Variants in MAST2 observed in about 807,000 individuals in gnomAD.
MAST2 encodes microtubule-associated serine/threonine-protein kinase 2.
MAST2 carries 70 observed loss-of-function variants against 147.4 expected under a neutral mutation model. That is an observed-to-expected ratio of 0.47 (90% CI 0.39 to 0.58). The LOEUF (loss-of-function observed/expected upper bound fraction) is 0.58, where lower values mean the gene tolerates loss of function less well. Ranked by LOEUF, MAST2 falls within the 20% of genes least tolerant of loss-of-function variation. The pLI is 0.00. For missense variants in MAST2, 2,080 were observed against 2,302.3 expected (o/e 0.90, Z 1.98); for synonymous variants, 869 against 896.8 (o/e 0.97, Z 0.55).
intron 5 of MAST2, among the ~76,000 whole-genome samples, chr1:45,960,885 C>G (rs998652583): frequency 3.3e-5 from 5 of 152,194 alleles, no homozygotes; most frequent in African/African-American, 1.2e-4. Flanking sequence ...GGGTCAGCAT[C>G]AAGCTGAGTA....
intron 3 of MAST2, among the ~76,000 whole-genome samples, chr1:45,875,306 C>A (rs938915103): frequency 1.3e-5 from 2 of 152,058 alleles, no homozygotes; most frequent in African/African-American, 2.4e-5. Flanking sequence ...ATTAGCCGGA[C>A]GTGGTGGCGC....
At position 45,803,977 on chromosome 1, in the gene MAST2, C is replaced by T. The variant is rs1354603541; in HGVS notation, c.82C>T (p.Leu28=). The T allele has an allele frequency of 1.5e-5, 16 of 1,077,906 alleles. No individual in the cohort carries two copies. Among genetic ancestry groups the T allele is most frequent in the Non-Finnish European group, 1.8e-5 (15 of 813,594 alleles). The allele number at this position is 1,077,906 out of a possible 1,614,324, so 66.8% of individuals were successfully genotyped here. ...REDGVQRAAE[L]SQSLPPRRRA... Reference sequence around the variant, plus strand: ...GGATGGAGTTCAGCGGGCAGCGGAGCTGTCTCAGTCTTTGCCGCCGCGCCG... The same window carrying T: ...GGATGGAGTTCAGCGGGCAGCGGAGTTGTCTCAGTCTTTGCCGCCGCGCCG... The change falls in exon 1 of 29, where the codon CTG becomes TTG. Residue 28 remains leucine (L), a synonymous_variant. Coordinates refer to ENST00000361297, the MANE Select transcript of MAST2 (RefSeq NM_015112.3).
At chr1:45,868,157 C>CT (rs1557848698) in intron 3 of MAST2, among the ~76,000 whole-genome samples, 1 of 152,252 alleles carries the variant, frequency 6.6e-6, no homozygotes, top group African/African-American at 2.4e-5. Context: ...CAAGTTGGGT[C>CT]TTTTTTGTGG....
Position 45,850,976 on chromosome 1 carries a change from G to A in MAST2, c.468+21395G>A, listed in dbSNP as rs1184217821. The stretch of plus-strand genomic sequence containing the variant: ...CTTTTTTGGTTTCATGTAAATTTTA[G>A]AATAGTTCTTTCTAGTTCTGTGAAA... On this transcript the variant is annotated intron_variant, in intron 3 of 28. Transcript: ENST00000361297. Among the ~76,000 whole-genome samples the A allele has an allele frequency of 1.2e-4, 18 of 151,408 alleles. No individual in the cohort carries two copies. The Admixed American group carries it at 1.2e-3, about 10-fold the overall frequency.
intron 4 of MAST2, among the ~76,000 whole-genome samples, chr1:45,934,175 G>C (rs1370754113): frequency 3.9e-5 from 6 of 152,010 alleles, no homozygotes; most frequent in African/African-American, 1.2e-4. Context: ...GGAGTAATTG[G>C]TTTTCTGTTC....
chr1:45,908,113 T>G (rs1160533714), intron 4 of MAST2, among the ~76,000 whole-genome samples: 1 of 152,232 alleles, frequency 6.6e-6, no homozygotes, highest in Non-Finnish European at 1.5e-5. Context: ...AATTTTTGGT[T>G]TTGTTAATTT....
chr1:46,009,229 A>G (rs1373794364), intron 9 of MAST2, among the ~76,000 whole-genome samples: 1 of 151,694 alleles, frequency 6.6e-6, no homozygotes, highest in East Asian at 1.9e-4. Context: ...TAATTTTTGT[A>G]TTTTTAGTAG....
intron 4 of MAST2, among the ~76,000 whole-genome samples, chr1:45,942,496 A>G (rs1380480053): frequency 1.3e-5 from 2 of 152,230 alleles, no homozygotes; most frequent in Non-Finnish European, 2.9e-5. Flanking sequence ...CGGTGCTTGT[A>G]CACCATTTCA....
chr1:45,819,317 G>A (rs559074397), intron 1 of MAST2, among the ~76,000 whole-genome samples: 56 of 150,782 alleles, frequency 3.7e-4, no homozygotes, highest in African/African-American at 1.3e-3. Context: ...GCAAACCACC[G>A]CAATTACGTT....
At chr1:46,030,004 G>A in intron 20 of MAST2, 51 bp downstream of exon 20, 2 of 1,611,336 alleles carry the variant, frequency 1.2e-6, no homozygotes, top group Non-Finnish European at 1.7e-6. Context: ...TGTTTGCCTA[G>A]AAACACCTGT....
At chr1:45,877,471 G>C (rs960954101) in intron 3 of MAST2, among the ~76,000 whole-genome samples, 1 of 152,102 alleles carries the variant, frequency 6.6e-6, no homozygotes, top group Non-Finnish European at 1.5e-5. Flanking sequence ...GCCCCACCTC[G>C]TAATACTATC....
chr1:45,884,412 C>T (rs1186914044), intron 4 of MAST2, among the ~76,000 whole-genome samples: 4 of 152,000 alleles, frequency 2.6e-5, no homozygotes, highest in East Asian at 1.9e-4. Flanking sequence ...ATTAGCCGGG[C>T]GTCATGGCGT....
intron 3 of MAST2, 151 bp from the exon 4 acceptor site, chr1:45,882,213 A>C: frequency 1.9e-6 from 1 of 539,494 alleles, no homozygotes; most frequent in Admixed American, 3.6e-5. Context: ...AAAATAAATA[A>C]AATTTAAGAG....
intron 3 of MAST2, among the ~76,000 whole-genome samples, chr1:45,875,934 A>G (rs554336604): frequency 6.6e-6 from 1 of 152,238 alleles, no homozygotes; most frequent in Admixed American, 6.5e-5. Context: ...GTACAAGCAG[A>G]ACTAAAAGGA....
intron 4 of MAST2, among the ~76,000 whole-genome samples, chr1:45,947,566 C>T (rs141093093): frequency 1.5e-4 from 23 of 152,212 alleles, no homozygotes; most frequent in African/African-American, 5.3e-4. Flanking sequence ...GAGAAAACAA[C>T]ACCTAATCAA....
intron 5 of MAST2, among the ~76,000 whole-genome samples, chr1:45,968,152 G>A (rs1432400755): frequency 2.0e-5 from 3 of 152,148 alleles, no homozygotes; most frequent in Non-Finnish European, 2.9e-5. Flanking sequence ...AAACAAATTT[G>A]AAATTTAAAA....
intron 4 of MAST2, 70 bp from the exon 5 acceptor site, chr1:45,959,316 T>TA: frequency 7.7e-7 from 1 of 1,297,310 alleles, no homozygotes; most frequent in Non-Finnish European, 1.1e-6. Context: ...TTTAGTTCCT[T>TA]AAAAACCACT....
At chr1:46,013,327 T>C (rs975226259) in intron 10 of MAST2, among the ~76,000 whole-genome samples, 2 of 151,984 alleles carry the variant, frequency 1.3e-5, no homozygotes, top group African/African-American at 4.8e-5. Flanking sequence ...TTTCAAACAG[T>C]CAACAAACAT....
intron 15 of MAST2, chr1:46,024,324 A>T (rs901369118): frequency 6.9e-6 from 2 of 290,242 alleles, no homozygotes; most frequent in African/African-American, 4.3e-5. Flanking sequence ...GGAGGTTTGC[A>T]TCTGGACCCT....
Sources: allele counts gnomAD v4.1 joint callset (sites outside exome capture counted in the v4.1 genomes callset), GRCh38; gene constraint gnomAD v4.1.1; transcripts MANE v1.5; gene names NCBI Gene and HGNC (gene_info 2026-07-23, HGNC 2026-07-21).